PPARGC1A: variants seen among roughly 807,000 people sequenced by gnomAD.
PPARGC1A encodes the protein PPARG coactivator 1 alpha.
A neutral mutation model predicts 88.7 loss-of-function variants in PPARGC1A; 25 were observed. The ratio of observed to expected loss-of-function variants is 0.28; its 90% CI spans 0.21 to 0.39. The LOEUF (loss-of-function observed/expected upper bound fraction) is 0.39. Among genes scored for constraint, PPARGC1A ranks in the 10% least tolerant of loss-of-function variants. The pLI is 1.00. For synonymous variants in PPARGC1A, 363 were observed against 355.6 expected, an observed-to-expected ratio of 1.02 and a Z score of -0.24; for missense variants, 880 against 968.7, an observed-to-expected ratio of 0.91 and a Z score of 1.22.
chr4:24,115,482 T>C, the PPARGC1A span, among the ~76,000 whole-genome samples: 2 of 152,274 alleles, frequency 1.3e-5, no homozygotes, highest in East Asian at 1.9e-4. Flanking sequence ...GTGCACGTGA[T>C]ATGCAAAAAC....
At chr4:24,377,975 T>G in the PPARGC1A span, among the ~76,000 whole-genome samples, 1 of 152,208 alleles carries the variant, frequency 6.6e-6, no homozygotes, top group African/African-American at 2.4e-5. Context: ...AGAAATAAGA[T>G]AATCTGTAAT....
chr4:24,220,312 T>C, the PPARGC1A span, among the ~76,000 whole-genome samples: 1 of 152,212 alleles, frequency 6.6e-6, no homozygotes, highest in East Asian at 1.9e-4. Flanking sequence ...GAAAGCAGTT[T>C]GTAGATTTCT....
intron 1 of PPARGC1A, 133 bp from the exon 2 acceptor site, chr4:23,885,064 T>A (rs1716628822): frequency 5.4e-6 from 4 of 740,814 alleles, no homozygotes; most frequent in African/African-American, 1.8e-5. Flanking sequence ...TCTGGCACTT[T>A]AATCACCAGG....
At chr4:23,855,745 G>C (rs1370616351) in intron 2 of PPARGC1A, among the ~76,000 whole-genome samples, 1 of 152,142 alleles carries the variant, frequency 6.6e-6, no homozygotes, top group East Asian at 1.9e-4. Flanking sequence ...AATCCTGGGA[G>C]AATGTAAAGC....
chr4:24,112,877 C>T, the PPARGC1A span, among the ~76,000 whole-genome samples: 1 of 152,108 alleles, frequency 6.6e-6, no homozygotes, highest in African/African-American at 2.4e-5. Context: ...CACGCTATGG[C>T]TAGATGTGTC....
the PPARGC1A span, among the ~76,000 whole-genome samples, chr4:24,372,265 T>C: frequency 6.6e-6 from 1 of 152,218 alleles, no homozygotes; most frequent in African/African-American, 2.4e-5. Context: ...GGAGTTTACC[T>C]AAATCAGTGG....
chr4:24,400,372 G>C, the PPARGC1A span, among the ~76,000 whole-genome samples: 2 of 152,148 alleles, frequency 1.3e-5, no homozygotes, highest in Non-Finnish European at 2.9e-5. Context: ...AGCCTGCCAG[G>C]CTACATCTTT....
chr4:24,289,700 A>C, the PPARGC1A span, among the ~76,000 whole-genome samples: 1,837 of 152,276 alleles, frequency 0.012, 44 homozygotes, highest in African/African-American at 0.042. Flanking sequence ...CATCATCAGG[A>C]GATCTCTCCA....
At chr4:23,915,966 A>T in the PPARGC1A span, among the ~76,000 whole-genome samples, 1 of 152,238 alleles carries the variant, frequency 6.6e-6, no homozygotes, top group African/African-American at 2.4e-5. Context: ...CTCTGGAGCC[A>T]AGTGGCTTGG....
upstream of PPARGC1A, among the ~76,000 whole-genome samples, chr4:23,901,506 T>C (rs1301897706): frequency 6.1e-5 from 9 of 147,720 alleles, no homozygotes; most frequent in African/African-American, 2.3e-4. Flanking sequence ...ATTGTGCCAC[T>C]GCACTCCAGC....
the PPARGC1A span, among the ~76,000 whole-genome samples, chr4:24,261,002 G>A: frequency 1.3e-5 from 2 of 152,052 alleles, no homozygotes; most frequent in African/African-American, 2.4e-5. Flanking sequence ...TACATCCCAC[G>A]TAAATAGGAA....
the PPARGC1A span, among the ~76,000 whole-genome samples, chr4:24,076,629 G>A: frequency 2.7e-3 from 414 of 152,204 alleles, 5 homozygotes; most frequent in East Asian, 0.051. Flanking sequence ...TGCTCTATCT[G>A]TTTCTACCAT....
At chr4:24,197,924 C>T in the PPARGC1A span, among the ~76,000 whole-genome samples, 48 of 152,270 alleles carry the variant, frequency 3.2e-4, 1 homozygote, top group South Asian at 6.0e-3. Context: ...AGGAGACACT[C>T]GGACTTAAAT....
the PPARGC1A span, among the ~76,000 whole-genome samples, chr4:24,201,520 T>A: frequency 0.054 from 8,226 of 152,296 alleles, 309 homozygotes; most frequent in African/African-American, 0.099. Context: ...CAAGTTTGTC[T>A]TATGTTCAAA....
chr4:24,117,004 A>G, the PPARGC1A span, among the ~76,000 whole-genome samples: 2 of 152,136 alleles, frequency 1.3e-5, no homozygotes. Context: ...AACCACAACA[A>G]CAACAAAAAA....
the PPARGC1A span, among the ~76,000 whole-genome samples, chr4:24,005,971 T>A: frequency 6.6e-6 from 1 of 152,156 alleles, no homozygotes; most frequent in Non-Finnish European, 1.5e-5. Flanking sequence ...TGGTTACAGA[T>A]CCAGAACTAG....
chr4:24,284,309 A>AAAACAAAC, the PPARGC1A span, among the ~76,000 whole-genome samples: 1 of 152,042 alleles, frequency 6.6e-6, no homozygotes, highest in Non-Finnish European at 1.5e-5. Context: ...ACTCCATCTC[A>AAAACAAAC]AAACAAACAA....
At chr4:23,929,615 A>C in the PPARGC1A span, among the ~76,000 whole-genome samples, 38 of 152,168 alleles carry the variant, frequency 2.5e-4, no homozygotes, top group Non-Finnish European at 4.9e-4. Flanking sequence ...CACTTTACTG[A>C]GAGGAAAAAG....
chr4:24,423,069 T>C, the PPARGC1A span, among the ~76,000 whole-genome samples: 1 of 152,172 alleles, frequency 6.6e-6, no homozygotes, highest in Non-Finnish European at 1.5e-5. Flanking sequence ...ATACATGGTG[T>C]TTATAGATAT....
Sources: gnomAD v4.1 joint callset for allele counts (sites outside exome capture counted in the v4.1 genomes callset) on GRCh38, gnomAD v4.1.1 for gene constraint, MANE v1.5 for transcripts, NCBI Gene and HGNC (gene_info 2026-07-23, HGNC 2026-07-21) for gene names.